The following TRIM66 variants were observed in gnomAD, a reference collection of about 807,000 sequenced individuals.
The protein encoded by TRIM66 is tripartite motif-containing protein 66.
A neutral mutation model predicts 148.2 loss-of-function variants in TRIM66; 99 were observed. The observed-to-expected ratio is 0.67, with a 90% CI of 0.57 to 0.79. TRIM66 has a LOEUF of 0.79. Ranked by LOEUF, TRIM66 falls within the 30% of genes least tolerant of loss-of-function variation. The pLI, the probability that TRIM66 is intolerant of heterozygous loss-of-function variation, is 0.00. For missense variants in TRIM66, 1,666 were observed against 1,697.9 expected (o/e 0.98, Z 0.33); for synonymous variants, 616 against 635.9 (o/e 0.97, Z 0.47).
intron 6 of TRIM66, 93 bp downstream of exon 6, chr11:8,671,693 C>A: frequency 1.5e-6 from 1 of 658,536 alleles, no homozygotes; most frequent in South Asian, 1.8e-5. Context: ...CATTTAAATT[C>A]TGATTCTTTC....
intron 12 of TRIM66, among the ~76,000 whole-genome samples, chr11:8,643,337 C>CTTT (rs376014687): frequency 0.051 from 7,094 of 140,448 alleles, 227 homozygotes; most frequent in Non-Finnish European, 0.068. Flanking sequence ...AACCTACATT[C>CTTT]TTTTTTTTTT....
chr11:8,667,866 T>C (rs2038698057), intron 6 of TRIM66, among the ~76,000 whole-genome samples: 1 of 152,258 alleles, frequency 6.6e-6, no homozygotes, highest in South Asian at 2.1e-4. Context: ...ATAATGCTGC[T>C]AGAAACATGG....
intron 6 of TRIM66, among the ~76,000 whole-genome samples, chr11:8,664,664 GA>G (rs1020435514): frequency 2.6e-5 from 4 of 152,112 alleles, no homozygotes; most frequent in Admixed American, 2.0e-4. Context: ...GATCACAAGT[GA>G]AAAAAGCCTT....
chr11:8,653,935 C>T (rs2037588717), intron 6 of TRIM66, among the ~76,000 whole-genome samples: 1 of 152,098 alleles, frequency 6.6e-6, no homozygotes, highest in Non-Finnish European at 1.5e-5. Flanking sequence ...ATGCTCTCCA[C>T]AGGTGACATC....
rs1357623992 is a variant in TRIM66 at position 8,616,983 on chromosome 11, C to T, written c.*961G>A. The T allele has an allele frequency of 6.6e-6, 1 of 152,238 alleles. No homozygotes were observed. Among genetic ancestry groups the T allele is most frequent in the Non-Finnish European group, 1.5e-5 (1 of 68,118 alleles). 9.4% of individuals were successfully genotyped at this position (152,238 alleles called of 1,614,324 possible). ...GAGTGAGCTGGTTGTGGGTTACTCT[C>T]TCCACCCATGGAACTCTGGACCTGA... is the stretch of plus-strand genomic sequence containing the variant. On this transcript the variant is annotated 3_prime_UTR_variant, in exon 25 of 25. Coordinates refer to ENST00000646038, the MANE Select transcript of TRIM66 (RefSeq NM_001388022.1).
chr11:8,632,428 C>A (rs1457627366), intron 15 of TRIM66, among the ~76,000 whole-genome samples: 1 of 147,978 alleles, frequency 6.8e-6, no homozygotes, highest in East Asian at 2.0e-4. Context: ...ACTAACTTTT[C>A]TAGTAAGCAG....
At chr11:8,642,368 T>C (rs778563438) in intron 13 of TRIM66, among the ~76,000 whole-genome samples, 2 of 152,194 alleles carry the variant, frequency 1.3e-5, no homozygotes, top group Non-Finnish European at 2.9e-5. Context: ...CAACAAATTT[T>C]CAATAAGATT....
intron 10 of TRIM66, among the ~76,000 whole-genome samples, chr11:8,647,150 G>A (rs908983099): frequency 6.6e-6 from 1 of 150,844 alleles, no homozygotes; most frequent in African/African-American, 2.4e-5. Flanking sequence ...GCTTCTTTTT[G>A]GGGGGATGAA....
At chr11:8,649,563 G>A (rs187286975) in intron 8 of TRIM66, among the ~76,000 whole-genome samples, 177 bp downstream of exon 8, 39 of 152,280 alleles carry the variant, frequency 2.6e-4, no homozygotes, top group Middle Eastern at 6.8e-3. Context: ...AACAGGGAGG[G>A]ACGAGAGTGA....
At chr11:8,621,511 G>A in intron 19 of TRIM66, 134 bp downstream of exon 19, 3 of 1,315,008 alleles carry the variant, frequency 2.3e-6, no homozygotes, top group South Asian at 1.6e-5. Flanking sequence ...TTGCAGCAGG[G>A]GACAACGTCT....
chr11:8,621,463 C>A, intron 19 of TRIM66, 142 bp from the exon 20 acceptor site: 1 of 1,326,732 alleles, frequency 7.5e-7, no homozygotes, highest in South Asian at 1.5e-5. Context: ...CCCATGAATG[C>A]TGGGACACCT....
intron 15 of TRIM66, among the ~76,000 whole-genome samples, chr11:8,626,052 T>G (rs1274056776): frequency 6.6e-6 from 1 of 152,224 alleles, no homozygotes; most frequent in Non-Finnish European, 1.5e-5. Context: ...CCAAAATTAT[T>G]TTCTTACATC....
intron 15 of TRIM66, among the ~76,000 whole-genome samples, chr11:8,635,818 A>T (rs543334412): frequency 6.6e-6 from 1 of 152,294 alleles, no homozygotes; most frequent in African/African-American, 2.4e-5. Context: ...CCTGTTGGCC[A>T]TTCACACAAG....
intron 15 of TRIM66, among the ~76,000 whole-genome samples, chr11:8,634,031 A>G (rs1435582832): frequency 6.6e-6 from 1 of 152,156 alleles, no homozygotes; most frequent in Non-Finnish European, 1.5e-5. Flanking sequence ...CTAAGCCATG[A>G]GCCGCATGCT....
chr11:8,673,563 G>C (rs973466649), intron 4 of TRIM66, among the ~76,000 whole-genome samples: 6 of 152,182 alleles, frequency 3.9e-5, no homozygotes, highest in Non-Finnish European at 8.8e-5. Flanking sequence ...ACAGAGAAAG[G>C]AAGTGGGAAA....
At chr11:8,618,119 G>T (rs188745891) in intron 24 of TRIM66, 116 bp from the exon 25 acceptor site, 48 of 998,362 alleles carry the variant, frequency 4.8e-5, no homozygotes, top group Non-Finnish European at 7.2e-5. Flanking sequence ...TCTACCCTAG[G>T]AATGCAGCAG....
Position 8,624,419 on chromosome 11 carries a change from G to T in TRIM66, c.2959C>A (p.Pro987Thr). The change falls in exon 17 of 25, where the codon CCT becomes ACT. Residue 987 changes from proline to threonine, a missense_variant. Around this residue, in one of 3 missense-constraint regions of TRIM66, gnomAD observed 1,431 missense variants for 1,412.4 expected, o/e 1.01. Coordinates refer to ENST00000646038, the MANE Select transcript of TRIM66 (RefSeq NM_001388022.1). ...EEPINLSVKK[P>T]PLAPVVSTST... ...GTGCTGACCACTGGCGCCAGTGGAG[G>T]TTTCTTCACAGAGAGGTTAATTGGC... 6.4e-7 allele frequency: 1 copy of T among 1,551,692 alleles called. No homozygotes were observed. The highest frequency in any genetic ancestry group is 8.7e-7 in the Non-Finnish European group (1 of 1,146,988).
chr11:8,678,513 G>A (rs1244873452), intron 3 of TRIM66, among the ~76,000 whole-genome samples: 1 of 152,194 alleles, frequency 6.6e-6, no homozygotes, highest in African/African-American at 2.4e-5. Flanking sequence ...AGGGTGGAAT[G>A]ATTTGAGTTG....
chr11:8,653,617 C>A (rs1056449156), intron 6 of TRIM66, among the ~76,000 whole-genome samples: 1 of 152,100 alleles, frequency 6.6e-6, no homozygotes, highest in Non-Finnish European at 1.5e-5. Flanking sequence ...CCCAGAGAAT[C>A]CCAGCCCAAA....
Sources: gnomAD v4.1 joint callset for allele counts (sites outside exome capture counted in the v4.1 genomes callset) on GRCh38, gnomAD v4.1.1 for gene constraint, gnomAD v4.1.1 regional missense constraint, MANE v1.5 for transcripts, NCBI Gene and HGNC (gene_info 2026-07-23, HGNC 2026-07-21) for gene names.